Variants in DORIP1 observed in about 807,000 individuals in gnomAD.
DORIP1 encodes the protein dopamine receptor-interacting protein 1.
the DORIP1 span, among the ~76,000 whole-genome samples, chr14:44,899,790 T>C: frequency 6.6e-6 from 1 of 151,700 alleles, no homozygotes; most frequent in Non-Finnish European, 1.5e-5. Context: ...CTAACCAAAG[T>C]TAATGTTTTT....
chr14:44,897,546 G>A, the DORIP1 span: 1 of 203,592 alleles, frequency 4.9e-6, no homozygotes, highest in South Asian at 7.0e-5. Context: ...CGGCGGCACC[G>A]GCAGTTTTCG....
At chr14:44,900,445 CTGTT>C in the DORIP1 span, 49 of 1,521,358 alleles carry the variant, frequency 3.2e-5, no homozygotes, top group East Asian at 7.5e-4. Flanking sequence ...GATGAAGACA[CTGTT>C]TGAAGAGATC....
chr14:44,900,905 A>G, the DORIP1 span: 2 of 1,611,534 alleles, frequency 1.2e-6, no homozygotes, highest in Non-Finnish European at 8.5e-7. Context: ...TACTGTTCCA[A>G]CTGGCGATGC....
the DORIP1 span, chr14:44,900,922 C>T: frequency 2.5e-6 from 4 of 1,607,696 alleles, no homozygotes; most frequent in East Asian, 2.2e-5. Flanking sequence ...ATGCCCAACT[C>T]GAGTGCAGGA....
chr14:44,897,508 C>T, the DORIP1 span: 1 of 200,982 alleles, frequency 5.0e-6, no homozygotes, highest in Non-Finnish European at 9.8e-6. Flanking sequence ...CCGGGCTCTC[C>T]ATGAGCAGGC....
the DORIP1 span, chr14:44,905,511 CTT>C: frequency 5.2e-6 from 8 of 1,542,264 alleles, no homozygotes; most frequent in Non-Finnish European, 6.2e-6. Context: ...AGTTTCTCCT[CTT>C]GTCATCATTG....
the DORIP1 span, among the ~76,000 whole-genome samples, chr14:44,902,041 C>T: frequency 1.3e-5 from 2 of 152,230 alleles, no homozygotes; most frequent in East Asian, 1.9e-4. Context: ...GAAAAACAGC[C>T]TGATAGATCG....
chr14:44,904,524 T>A, the DORIP1 span: 1 of 1,590,334 alleles, frequency 6.3e-7, no homozygotes, highest in East Asian at 2.2e-5. Context: ...ATTTGTCTGA[T>A]CACAAGTAGG....
the DORIP1 span, chr14:44,905,305 A>C: frequency 8.9e-7 from 1 of 1,125,828 alleles, no homozygotes; most frequent in Non-Finnish European, 1.2e-6. Context: ...TTATGAATTT[A>C]AGGAATGTTT....
chr14:44,900,930 G>A, the DORIP1 span: 1 of 1,603,078 alleles, frequency 6.2e-7, no homozygotes, highest in Non-Finnish European at 8.5e-7. Flanking sequence ...CTCGAGTGCA[G>A]GAGGATCAGC....
At chr14:44,903,813 G>A in the DORIP1 span, 2 of 984,232 alleles carry the variant, frequency 2.0e-6, no homozygotes, top group Non-Finnish European at 1.2e-6. Flanking sequence ...TCCAGAAAGT[G>A]AACGAATATA....
chr14:44,904,797 T>TA, the DORIP1 span: 1 of 288,008 alleles, frequency 3.5e-6, no homozygotes, highest in African/African-American at 2.2e-5. Context: ...GCCAACAACT[T>TA]AACCAGTTTA....
chr14:44,905,609 CTTTTA>C, the DORIP1 span: 25 of 1,251,332 alleles, frequency 2.0e-5, no homozygotes, highest in African/African-American at 3.3e-4. Flanking sequence ...AGATGAAGGG[CTTTTA>C]TTTTGTGTAT....
chr14:44,903,518 A>G, the DORIP1 span: 1 of 1,126,954 alleles, frequency 8.9e-7, no homozygotes, highest in South Asian at 4.1e-5. Context: ...CCCACTGCTG[A>G]GTAGGTACAA....
the DORIP1 span, chr14:44,903,380 A>G: frequency 6.6e-7 from 1 of 1,509,044 alleles, no homozygotes; most frequent in East Asian, 2.3e-5. Context: ...GAAGTACTTT[A>G]TGAATCTTAT....
chr14:44,903,977 C>A, the DORIP1 span: 2 of 977,454 alleles, frequency 2.0e-6, no homozygotes, highest in South Asian at 4.7e-5. Context: ...ATACTTAATA[C>A]CTCATAATAT....
the DORIP1 span, chr14:44,904,057 C>A: frequency 2.0e-6 from 2 of 985,114 alleles, no homozygotes; most frequent in East Asian, 2.3e-4. Context: ...TCATATTTTT[C>A]CCCTCTCTGC....
chr14:44,900,865 G>C, the DORIP1 span: 1 of 1,614,048 alleles, frequency 6.2e-7, no homozygotes, highest in Non-Finnish European at 8.5e-7. Flanking sequence ...AAAAAATCTT[G>C]AAAATCTCAT....
the DORIP1 span, chr14:44,904,419 C>T: frequency 3.1e-6 from 5 of 1,609,142 alleles, no homozygotes; most frequent in Admixed American, 5.1e-5. Context: ...GAGAATTTTC[C>T]CAACGAATTT....
Sources: gnomAD v4.1 joint callset for allele counts (sites outside exome capture counted in the v4.1 genomes callset) on GRCh38, gnomAD v4.1.1 for gene constraint, MANE v1.5 for transcripts, NCBI Gene and HGNC (gene_info 2026-07-23, HGNC 2026-07-21) for gene names.